Variants in AHDC1 observed in about 807,000 individuals in gnomAD.
AHDC1 encodes the protein transcription factor Gibbin.
Under a neutral mutation model 87.9 loss-of-function variants are expected in AHDC1, and 7 were observed. That is an observed-to-expected ratio of 0.08 (90% CI 0.05 to 0.15). The LOEUF (loss-of-function observed/expected upper bound fraction) is 0.15. Among genes scored for constraint, AHDC1 ranks in the 10% least tolerant of loss-of-function variants. The pLI is 1.00. For synonymous variants in AHDC1, 1,051 were observed against 1,006.8 expected (o/e 1.04, Z -0.83); for missense variants, 1,841 against 2,253.2 (o/e 0.82, Z 3.70).
At chr1:27,577,416 C>T (rs1218551152) in intron 3 of AHDC1, among the ~76,000 whole-genome samples, 1 of 152,168 alleles carries the variant, frequency 6.6e-6, no homozygotes, top group Non-Finnish European at 1.5e-5. Flanking sequence ...AAGGACCACT[C>T]TCTGCTCCCA....
At chr1:27,537,035 C>T (rs1320357953) in intron 8 of AHDC1, among the ~76,000 whole-genome samples, 1 of 152,224 alleles carries the variant, frequency 6.6e-6, no homozygotes, top group African/African-American at 2.4e-5. Context: ...CCTTCCTCCT[C>T]CCACTACCCT....
At position 27,593,973 on chromosome 1, in the gene AHDC1, G is replaced by A. The variant is rs1268295548; in HGVS notation, c.-629+9424C>T. Reference sequence around the variant, plus strand: ...TGAGCCTTCCCTCAGCAAGAGAGGAGGCACGAGGGACCTCTAGGAAAGAGA... The same window carrying A: ...TGAGCCTTCCCTCAGCAAGAGAGGAAGCACGAGGGACCTCTAGGAAAGAGA... On this transcript the variant is annotated intron_variant, in intron 3 of 8. Coordinates refer to ENST00000673934, the MANE Select transcript of AHDC1 (RefSeq NM_001371928.1). The surrounding 1 kb of genome is among the most constrained non-coding windows in gnomAD (Gnocchi z 4.9). 1.3e-5 allele frequency among the ~76,000 whole-genome samples: 2 copies of A among 152,126 alleles called. No individual in the cohort carries two copies. The highest frequency in any genetic ancestry group is 2.9e-5 in the Non-Finnish European group (2 of 68,010).
chr1:27,538,140 G>A (rs1285636140), intron 8 of AHDC1, among the ~76,000 whole-genome samples: 1 of 151,956 alleles, frequency 6.6e-6, no homozygotes, highest in Non-Finnish European at 1.5e-5. Context: ...GGTGACTCAC[G>A]CCTGTAATCC....
rs1430131757 is a variant in AHDC1 at position 27,560,402 on chromosome 1, C to G, written c.-628-1519G>C. On this transcript the variant is annotated intron_variant, in intron 3 of 8. Coordinates refer to ENST00000673934, the MANE Select transcript of AHDC1 (RefSeq NM_001371928.1). This position sits in a 1 kb window ranked among gnomAD's most constrained non-coding sequence, Gnocchi z 4.1. ...CGGCTCCTGCCTGTCTCAGAGCTCT[C>G]TGGATGTGTGTTTGGCAGGGGGTGG... Among the ~76,000 whole-genome samples the G allele has an allele frequency of 6.6e-6, 1 of 152,122 alleles. No homozygotes were observed. The highest frequency in any genetic ancestry group is 1.5e-5 in the Non-Finnish European group (1 of 68,018).
intron 3 of AHDC1, among the ~76,000 whole-genome samples, chr1:27,574,925 C>A: frequency 6.6e-6 from 1 of 152,230 alleles, no homozygotes; most frequent in South Asian, 2.1e-4. Flanking sequence ...GACTCTGGGG[C>A]CTGCAAGGTG....
In AHDC1 at chr1:27,548,834, G is replaced by C. The variant is rs773740716; in HGVS notation, c.3282C>G (p.Pro1094=). ...CAAACTGCCGACAGTTCTCGGGCGAGGGCTGGAAGGAGGAGGAGGAGGAGG... is the reference window on the plus strand; with the variant it reads ...CAAACTGCCGACAGTTCTCGGGCGACGGCTGGAAGGAGGAGGAGGAGGAGG... ...AASSSSSSFQ[P]SPENCRQFAG... The change falls in exon 8 of 9, where the codon CCC becomes CCG. Residue 1094 remains proline (P), a synonymous_variant. Coordinates refer to ENST00000673934, the MANE Select transcript of AHDC1 (RefSeq NM_001371928.1). 1.9e-6 allele frequency: 3 copies of C among 1,613,068 alleles called. No individual in the cohort carries two copies. The highest frequency in any genetic ancestry group is 2.5e-6 in the Non-Finnish European group (3 of 1,179,956).
chr1:27,563,628 C>A lies in AHDC1; in HGVS notation c.-628-4745G>T, dbSNP rs1046335459. Among the ~76,000 whole-genome samples, 2 of 152,214 alleles carry A rather than the reference C, an allele frequency of 1.3e-5. No homozygotes were observed. The highest frequency in any genetic ancestry group is 1.3e-4 in the Admixed American group (2 of 15,290). On this transcript the variant is annotated intron_variant, in intron 3 of 8. Coordinates refer to ENST00000673934, the MANE Select transcript of AHDC1 (RefSeq NM_001371928.1). This position sits in a 1 kb window ranked among gnomAD's most constrained non-coding sequence, Gnocchi z 6.1. ...CACAGCTCACACGGCATGAATGTCA[C>A]CCCAGCACTGCCAGAGCCGGGCACA...
intron 3 of AHDC1, among the ~76,000 whole-genome samples, chr1:27,577,969 A>G (rs1339055141): frequency 2.6e-5 from 4 of 152,210 alleles, no homozygotes; most frequent in African/African-American, 9.6e-5. Flanking sequence ...ATGTTCTCCC[A>G]GGCAGTCAGA....
chr1:27,571,632 C>CTCAG (rs1237724143), intron 3 of AHDC1, among the ~76,000 whole-genome samples: 1 of 152,030 alleles, frequency 6.6e-6, no homozygotes, highest in East Asian at 1.9e-4. Context: ...CTGCTTCGGC[C>CTCAG]TCAGTCCAAG....
chr1:27,564,660 G>A (rs1034681950), intron 3 of AHDC1, among the ~76,000 whole-genome samples: 1 of 152,190 alleles, frequency 6.6e-6, no homozygotes, highest in African/African-American at 2.4e-5. Context: ...TGTGGAGGGG[G>A]ACAGGGGAGA....
At chr1:27,588,578 C>A (rs1288052431) in intron 3 of AHDC1, among the ~76,000 whole-genome samples, 1 of 152,136 alleles carries the variant, frequency 6.6e-6, no homozygotes, top group Non-Finnish European at 1.5e-5. Context: ...ACCGTCAGGG[C>A]TAATCTGCAG....
intron 8 of AHDC1, among the ~76,000 whole-genome samples, chr1:27,538,637 C>T (rs1243155867): frequency 1.3e-5 from 2 of 151,820 alleles, no homozygotes; most frequent in Admixed American, 6.6e-5. Context: ...ATCTCAGCAC[C>T]TTGAGTAGCT....
At chr1:27,554,407 G>A (rs1010041182) in intron 5 of AHDC1, among the ~76,000 whole-genome samples, 1 of 152,180 alleles carries the variant, frequency 6.6e-6, no homozygotes, top group African/African-American at 2.4e-5. Context: ...AAGAGTGTGG[G>A]CTCTTCAGGA....
At position 27,558,976 on chromosome 1, in the gene AHDC1, C is replaced by T. The variant is rs2019945881; in HGVS notation, c.-628-93G>A. ...TGCAGGCGGACACTGAGCCAGGAAG[C>T]TCTCCTACATGGAGTCCCATCCACC... is the stretch of plus-strand genomic sequence containing the variant. On this transcript the variant is annotated intron_variant, in intron 3 of 8. Coordinates refer to ENST00000673934, the MANE Select transcript of AHDC1 (RefSeq NM_001371928.1). This position sits in a 1 kb window ranked among gnomAD's most constrained non-coding sequence, Gnocchi z 5.6. 2 of 398,088 alleles carry T rather than the reference C, an allele frequency of 5.0e-6. No individual in the cohort carries two copies. Among genetic ancestry groups the T allele is most frequent in the Admixed American group, 8.8e-5 (2 of 22,712 alleles). The allele number at this position is 398,088 out of a possible 1,614,324, so 24.7% of individuals were successfully genotyped here. A position where few individuals can be genotyped will look rare whatever the true frequency, so the allele number is the denominator to read the frequency against.
rs1445093671 is a variant in AHDC1, at chr1:27,550,938, A to G, written c.1178T>C (p.Leu393Pro). The change falls in exon 8 of 9, where the codon CTG becomes CCG. Residue 393 changes from leucine to proline, a missense_variant. By Grantham distance (98) the Leu-to-Pro change is moderately conservative. Coordinates refer to ENST00000673934, the MANE Select transcript of AHDC1 (RefSeq NM_001371928.1). ...CCGTCCGGCTTTCCGCCGGCGACAC[A>G]GGATCTTTGGCCTATCAGTGCGCCG... is the stretch of plus-strand genomic sequence containing the variant. ...ALRRTDRPKILCRRRKAGRGR... is the reference protein window; with the variant it reads ...ALRRTDRPKIPCRRRKAGRGR... 1 of 1,599,022 alleles carries G rather than the reference A, an allele frequency of 6.3e-7. No homozygotes were observed. Among genetic ancestry groups the G allele is most frequent in the Non-Finnish European group, 8.5e-7 (1 of 1,178,380 alleles).
intron 3 of AHDC1, among the ~76,000 whole-genome samples, chr1:27,586,896 C>T (rs1230335546): frequency 6.6e-6 from 1 of 152,224 alleles, no homozygotes; most frequent in Admixed American, 6.5e-5. Flanking sequence ...CACCCTGGTC[C>T]TCTCTTCTGG....
chr1:27,549,472 G>C lies in AHDC1; in HGVS notation c.2644C>G (p.Gln882Glu), dbSNP rs1297310572. 6.2e-7 allele frequency: 1 copy of C among 1,612,994 alleles called. No individual in the cohort carries two copies. ...AGPPTSALPA[Q>E]RGLATFPSRG... Reference sequence around the variant, plus strand: ...CTAGGGAAGGTGGCCAGGCCCCGCTGGGCAGGCAGGGCACTGGTGGGTGGC... The same window carrying C: ...CTAGGGAAGGTGGCCAGGCCCCGCTCGGCAGGCAGGGCACTGGTGGGTGGC... Residue 882 changes from glutamine (Q) to glutamate (E), a missense_variant, in exon 8 of 9, where the codon CAG becomes GAG. Physicochemically the swap from Gln to Glu is conservative, Grantham distance 29. Around this residue, in one of 13 missense-constraint regions of AHDC1, gnomAD observed 378 missense variants for 399.0 expected, o/e 0.95. Coordinates refer to ENST00000673934, the MANE Select transcript of AHDC1 (RefSeq NM_001371928.1).
chr1:27,549,919 C>A lies in AHDC1; in HGVS notation c.2197G>T (p.Ala733Ser), dbSNP rs543652040. The change falls in exon 8 of 9, where the codon GCT (alanine) becomes TCT (serine). Residue 733 changes from alanine to serine, a missense_variant. Ala to Ser is a moderately conservative substitution (Grantham distance 99, BLOSUM62 1). This residue lies in a region of AHDC1 where 236 missense variants were observed against 257.9 expected (regional missense o/e 0.92). Coordinates refer to ENST00000673934, the MANE Select transcript of AHDC1 (RefSeq NM_001371928.1). ...PRKRGRGEVD[A>S]VTGKPKRKRR... ...TTGCGCTTTGGCTTCCCAGTCACAG[C>A]GTCTACCTCCCCCCGGCCCCGTTTG... The A allele has an allele frequency of 4.0e-5, 65 of 1,613,564 alleles. 1 individual carries two copies. The highest frequency in any genetic ancestry group is 3.8e-4 in the East Asian group (17 of 44,864).
In AHDC1 at chr1:27,548,593, G is replaced by T; in HGVS notation, c.3523C>A (p.Gln1175Lys). 1.2e-6 allele frequency: 2 copies of T among 1,613,552 alleles called. No individual in the cohort carries two copies. Among genetic ancestry groups the T allele is most frequent in the Non-Finnish European group, 8.5e-7 (1 of 1,180,018 alleles). ...ESSSDSTQFN[Q>K]PVGGGGFRRA... Reference sequence around the variant, plus strand: ...CGAAACCCCCCGCCACCAACCGGCTGATTGAACTGGGTGCTGTCGGAGGAT... The same window carrying T: ...CGAAACCCCCCGCCACCAACCGGCTTATTGAACTGGGTGCTGTCGGAGGAT... Residue 1175 changes from glutamine to lysine, a missense_variant, in exon 8 of 9, where the codon CAG (glutamine) becomes AAG (lysine). Gln to Lys is a moderately conservative substitution (Grantham distance 53). This residue lies in a region of AHDC1 where 505 missense variants were observed against 626.2 expected (regional missense o/e 0.81). Transcript: ENST00000673934.
Sources: allele counts gnomAD v4.1 joint callset (sites outside exome capture counted in the v4.1 genomes callset), GRCh38; gene constraint gnomAD v4.1.1; regional missense constraint gnomAD v4.1.1; non-coding constraint Gnocchi (gnomAD v3.1); transcripts MANE v1.5; gene names NCBI Gene and HGNC (gene_info 2026-07-23, HGNC 2026-07-21).